The following CHST12 variants were observed in gnomAD, a reference collection of about 807,000 sequenced individuals.
CHST12 encodes the protein carbohydrate sulfotransferase 12.
In CHST12, 23 loss-of-function variants were observed where a neutral mutation model predicts 27.9. The ratio of observed to expected loss-of-function variants is 0.82; its 90% CI spans 0.59 to 1.17. CHST12 has a LOEUF of 1.17. Among genes scored for constraint, CHST12 ranks in the 50% most tolerant of loss-of-function variants. The probability of loss-of-function intolerance (pLI) is 0.00; values close to 1 mark genes in which losing one functional copy is unlikely to be tolerated. For synonymous variants in CHST12, 322 were observed against 273.0 expected, an observed-to-expected ratio of 1.18 and a Z score of -1.77; for missense variants, 682 against 603.0, an observed-to-expected ratio of 1.13 and a Z score of -1.37.
chr7:2,433,449 C>T lies in CHST12; in HGVS notation c.810C>T (p.Phe270=), dbSNP rs777456839. 8 of 1,610,102 alleles carry T rather than the reference C, an allele frequency of 5.0e-6. No individual in the cohort carries two copies. Among genetic ancestry groups the T allele is most frequent in the Admixed American group, 3.3e-5 (2 of 60,000 alleles). Residue 270 remains phenylalanine, a synonymous_variant, in exon 2 of 2, where the codon TTC becomes TTT. Transcript: ENST00000618655. This position sits in a 1 kb window ranked among gnomAD's most constrained non-coding sequence, Gnocchi z 6.1. ...ELENEEFYRK[F]AVPMLRLYAN... ...AGAACGAGGAGTTCTACCGCAAGTT[C>T]GCCGTGCCCATGCTGCGGCTGTACG... is the stretch of plus-strand genomic sequence containing the variant.
At position 2,433,029 on chromosome 7, in the gene CHST12, C is replaced by T. The variant is rs1782337535; in HGVS notation, c.390C>T (p.Gly130=). 6.2e-7 allele frequency: 1 copy of T among 1,611,404 alleles called. No individual in the cohort carries two copies. Among genetic ancestry groups the T allele is most frequent in the East Asian group, 2.2e-5 (1 of 44,864 alleles). The change falls in exon 2 of 2, where the codon GGC becomes GGT. Residue 130 remains glycine (G), a synonymous_variant. Coordinates refer to ENST00000618655, the MANE Select transcript of CHST12 (RefSeq NM_018641.5). This position sits in a 1 kb window ranked among gnomAD's most constrained non-coding sequence, Gnocchi z 6.1. Reference sequence around the variant, plus strand: ...CGGAGCGGAGGAGCGTGCTGCGGGGCTTCTGCGCCAACTCCAGCCTGGCCT... The same window carrying T: ...CGGAGCGGAGGAGCGTGCTGCGGGGTTTCTGCGCCAACTCCAGCCTGGCCT... The part of the protein sequence containing the change: ...QQAERRSVLR[G]FCANSSLAFP...
chr7:2,412,956 A>T (rs1198307835), intron 1 of CHST12, among the ~76,000 whole-genome samples: 1 of 152,218 alleles, frequency 6.6e-6, no homozygotes, highest in African/African-American at 2.4e-5. Context: ...TAATAATAAA[A>T]ATAACACATA....
intron 1 of CHST12, among the ~76,000 whole-genome samples, chr7:2,409,615 C>T (rs1243464257): frequency 9.7e-6 from 1 of 103,268 alleles, no homozygotes; most frequent in Non-Finnish European, 1.9e-5. Context: ...GAGCAAGATC[C>T]TGTCTCAAAG....
intron 1 of CHST12, among the ~76,000 whole-genome samples, chr7:2,430,265 T>G (rs896312843): frequency 2.6e-5 from 4 of 152,092 alleles, no homozygotes; most frequent in Non-Finnish European, 5.9e-5. Flanking sequence ...ATTTCTAGTT[T>G]TATTCCTTTA....
rs1205400711 is a variant in CHST12, at chr7:2,445,028, A to C, written c.*11144A>C. 6.6e-6 allele frequency: 1 copy of C among 152,138 alleles called. No homozygotes were observed. The highest frequency in any genetic ancestry group is 1.5e-5 in the Non-Finnish European group (1 of 68,018). 9.4% of individuals were successfully genotyped at this position (152,138 alleles called of 1,614,324 possible). On this transcript the variant is annotated 3_prime_UTR_variant, in exon 2 of 2. Transcript: ENST00000618655. ...GGTTTCCAGAATATTTTGGTTTCAA[A>C]ATTTGGGGGCACAGATTTGCAAAGT...
rs1782368018 is a variant in CHST12, at chr7:2,433,540, G to A, written c.901G>A (p.Ala301Thr). 2 of 1,612,914 alleles carry A rather than the reference G, an allele frequency of 1.2e-6. No homozygotes were observed. Among genetic ancestry groups the A allele is most frequent in the African/African-American group, 1.3e-5 (1 of 74,922 alleles). ...CCGCGCTGGCCTCAAGGTGTCCTTC[G>A]CCAACTTCATCCAGTACCTGCTGGA... ...AFRAGLKVSF[A>T]NFIQYLLDPH... The change falls in exon 2 of 2, where the codon GCC becomes ACC. Residue 301 changes from alanine (A) to threonine (T), a missense_variant. Ala to Thr is a moderately conservative substitution (Grantham distance 58, BLOSUM62 0). Transcript: ENST00000618655. The surrounding 1 kb of genome is among the most constrained non-coding windows in gnomAD (Gnocchi z 6.1).
chr7:2,426,348 C>A (rs1035808948), intron 1 of CHST12, among the ~76,000 whole-genome samples: 1 of 152,154 alleles, frequency 6.6e-6, no homozygotes, highest in Non-Finnish European at 1.5e-5. Context: ...TGTGCATGCA[C>A]GTGGTGAGCA....
chr7:2,407,995 G>C (rs190471503), intron 1 of CHST12, among the ~76,000 whole-genome samples: 2 of 152,240 alleles, frequency 1.3e-5, no homozygotes, highest in Admixed American at 1.3e-4. Flanking sequence ...CTGAGTTTCA[G>C]ATAAAGACTA....
At chr7:2,423,272 C>CA (rs71550347) in intron 1 of CHST12, among the ~76,000 whole-genome samples, 13 of 149,600 alleles carry the variant, frequency 8.7e-5, no homozygotes, top group African/African-American at 3.0e-4. Context: ...GACTCCATCT[C>CA]AAAAAAAATA....
chr7:2,418,204 C>A (rs559161457), intron 1 of CHST12, among the ~76,000 whole-genome samples: 1 of 152,248 alleles, frequency 6.6e-6, no homozygotes, highest in Non-Finnish European at 1.5e-5. Context: ...TCATGCCCTG[C>A]ATGTTGTGTG....
At chr7:2,429,653 T>G (rs1203136133) in intron 1 of CHST12, among the ~76,000 whole-genome samples, 1 of 152,224 alleles carries the variant, frequency 6.6e-6, no homozygotes, top group African/African-American at 2.4e-5. Context: ...GCTAAATTTG[T>G]GGGCGTAAAA....
In CHST12 at chr7:2,433,067, A is replaced by T. The variant is rs1782339115; in HGVS notation, c.428A>T (p.Glu143Val). The change falls in exon 2 of 2, where the codon GAG (glutamate) becomes GTG (valine). Residue 143 changes from glutamate to valine, a missense_variant. Coordinates refer to ENST00000618655, the MANE Select transcript of CHST12 (RefSeq NM_018641.5). This position sits in a 1 kb window ranked among gnomAD's most constrained non-coding sequence, Gnocchi z 6.1. ...ANSSLAFPTKERAFDDIPNSE... is the reference protein window; with the variant it reads ...ANSSLAFPTKVRAFDDIPNSE... ...TCCAGCCTGGCCTTCCCCACCAAGGAGCGCGCATTCGACGACATCCCCAAC... is the reference window on the plus strand; with the variant it reads ...TCCAGCCTGGCCTTCCCCACCAAGGTGCGCGCATTCGACGACATCCCCAAC... The T allele has an allele frequency of 6.2e-7, 1 of 1,612,176 alleles. No homozygotes were observed.
chr7:2,442,056 G>A lies in CHST12; in HGVS notation c.*8172G>A, dbSNP rs574228683. 13 of 151,730 alleles carry A rather than the reference G, an allele frequency of 8.6e-5. No individual in the cohort carries two copies. The highest frequency in any genetic ancestry group is 4.2e-4 in the South Asian group (2 of 4,798). The allele number at this position is 151,730 out of a possible 1,614,324, so 9.4% of individuals were successfully genotyped here. On this transcript the variant is annotated 3_prime_UTR_variant, in exon 2 of 2. Coordinates refer to ENST00000618655, the MANE Select transcript of CHST12 (RefSeq NM_018641.5). ...CTAGCTCCCCATTCCCCACTGTGCC[G>A]CCCCCCCAAAGCCCCTGGCACCAAC...
intron 1 of CHST12, among the ~76,000 whole-genome samples, chr7:2,413,880 C>G (rs1183432837): frequency 6.6e-6 from 1 of 151,878 alleles, no homozygotes; most frequent in East Asian, 1.9e-4. Flanking sequence ...AGGCACCCAC[C>G]ACCACACCCA....
chr7:2,406,982 A>G (rs1583205145), intron 1 of CHST12, among the ~76,000 whole-genome samples: 1 of 151,936 alleles, frequency 6.6e-6, no homozygotes, highest in Middle Eastern at 3.4e-3. Flanking sequence ...AGGAAGCTCT[A>G]AAAAAAAGCC....
At chr7:2,416,025 A>T (rs894961014) in intron 1 of CHST12, among the ~76,000 whole-genome samples, 2 of 152,202 alleles carry the variant, frequency 1.3e-5, no homozygotes, top group Non-Finnish European at 2.9e-5. Context: ...TTATAGTAGA[A>T]CATCTTTTAA....
intron 1 of CHST12, among the ~76,000 whole-genome samples, chr7:2,431,766 G>T (rs916779431): frequency 6.6e-6 from 1 of 152,212 alleles, no homozygotes; most frequent in Non-Finnish European, 1.5e-5. Flanking sequence ...GGGTGGCCCT[G>T]ATGAAGCTGT....
chr7:2,408,694 C>T (rs375958021), intron 1 of CHST12, among the ~76,000 whole-genome samples: 1 of 152,156 alleles, frequency 6.6e-6, no homozygotes, highest in Non-Finnish European at 1.5e-5. Context: ...TTCAGACTTG[C>T]TCCCAGATTT....
intron 1 of CHST12, among the ~76,000 whole-genome samples, chr7:2,417,740 C>G (rs1340345801): frequency 6.6e-6 from 1 of 151,570 alleles, no homozygotes; most frequent in Non-Finnish European, 1.5e-5. Context: ...GGCTGAGGCC[C>G]TCTCATACTG....
Sources: gnomAD v4.1 joint callset for allele counts (sites outside exome capture counted in the v4.1 genomes callset) on GRCh38, gnomAD v4.1.1 for gene constraint, Gnocchi (gnomAD v3.1) non-coding constraint, MANE v1.5 for transcripts, NCBI Gene and HGNC (gene_info 2026-07-23, HGNC 2026-07-21) for gene names.